TXLNB: variants seen among roughly 807,000 people sequenced by gnomAD.
TXLNB encodes taxilin beta.
Under a neutral mutation model 57.4 loss-of-function variants are expected in TXLNB, and 37 were observed. The ratio of observed to expected loss-of-function variants is 0.64; its 90% CI spans 0.50 to 0.85. The LOEUF (loss-of-function observed/expected upper bound fraction) is 0.85, where lower values mean the gene tolerates loss of function less well. Ranked by LOEUF, TXLNB falls within the 40% of genes least tolerant of loss-of-function variation. The pLI, the probability that TXLNB is intolerant of heterozygous loss-of-function variation, is 0.00. For missense variants in TXLNB, 848 were observed against 825.6 expected (o/e 1.03, Z -0.33); for synonymous variants, 302 against 309.6 (o/e 0.98, Z 0.26).
At chr6:139,194,614 C>G in the TXLNB span, among the ~76,000 whole-genome samples, 2 of 152,196 alleles carry the variant, frequency 1.3e-5, no homozygotes, top group Admixed American at 1.3e-4. Context: ...AGCACTACTG[C>G]TTGATACGAG....
the TXLNB span, among the ~76,000 whole-genome samples, chr6:139,322,572 CA>C: frequency 6.6e-6 from 1 of 152,168 alleles, no homozygotes; most frequent in African/African-American, 2.4e-5. Context: ...TTACTCAGAT[CA>C]AAAATTTGGA....
chr6:139,180,211 CAT>C, the TXLNB span: 2 of 152,110 alleles, frequency 1.3e-5, no homozygotes, highest in Non-Finnish European at 2.9e-5. Flanking sequence ...AAGGTATTTT[CAT>C]ATATGTTGGG....
At chr6:139,304,763 A>G in the TXLNB span, among the ~76,000 whole-genome samples, 420 of 152,358 alleles carry the variant, frequency 2.8e-3, 1 homozygote, top group African/African-American at 8.7e-3. Flanking sequence ...GTGAAGTCCA[A>G]TGAGTGTGTC....
the TXLNB span, among the ~76,000 whole-genome samples, chr6:139,217,384 G>A: frequency 5.9e-5 from 9 of 152,198 alleles, no homozygotes; most frequent in African/African-American, 9.6e-5. Flanking sequence ...GAAGGGAGTC[G>A]GGATGTGTAG....
the TXLNB span, chr6:139,166,827 C>G: frequency 6.2e-7 from 1 of 1,613,740 alleles, no homozygotes; most frequent in Non-Finnish European, 8.5e-7. Context: ...CCGGGCCAGT[C>G]CCCACCCACG....
the TXLNB span, among the ~76,000 whole-genome samples, chr6:139,188,839 C>A: frequency 9.2e-5 from 14 of 152,360 alleles, no homozygotes; most frequent in East Asian, 2.5e-3. Context: ...ACTGCAACCT[C>A]CACCTCCAGG....
the TXLNB span, chr6:139,166,203 T>A: frequency 8.8e-7 from 1 of 1,134,148 alleles, no homozygotes; most frequent in Admixed American, 2.3e-5. Flanking sequence ...AGAAAAACCT[T>A]ATACCATACT....
At chr6:139,322,320 G>A in the TXLNB span, among the ~76,000 whole-genome samples, 2 of 152,160 alleles carry the variant, frequency 1.3e-5, no homozygotes, top group South Asian at 2.1e-4. Context: ...TCCTCACATG[G>A]CAGAAGGTAG....
chr6:139,268,023 T>C (rs904267756), intron 4 of TXLNB, among the ~76,000 whole-genome samples: 2 of 151,656 alleles, frequency 1.3e-5, no homozygotes, highest in Non-Finnish European at 2.9e-5. Flanking sequence ...TGGTGGCGGG[T>C]GCCTGTAATT....
chr6:139,298,205 T>C, the TXLNB span, among the ~76,000 whole-genome samples: 1 of 152,222 alleles, frequency 6.6e-6, no homozygotes, highest in African/African-American at 2.4e-5. Flanking sequence ...AATAAATAGT[T>C]TGAAATTTGT....
chr6:139,286,311 G>A (rs577315033), intron 2 of TXLNB, among the ~76,000 whole-genome samples: 9 of 150,060 alleles, frequency 6.0e-5, no homozygotes, highest in Non-Finnish European at 1.0e-4. Context: ...GAATCTACCT[G>A]TCAAGCTTTG....
chr6:139,295,366 A>G (rs945862993), upstream of TXLNB, among the ~76,000 whole-genome samples: 4 of 152,228 alleles, frequency 2.6e-5, no homozygotes, highest in African/African-American at 9.6e-5. Context: ...AACACAAATT[A>G]CACGTCTAAG....
the TXLNB span, among the ~76,000 whole-genome samples, chr6:139,229,915 C>A: frequency 1.1e-4 from 16 of 152,146 alleles, no homozygotes; most frequent in Admixed American, 1.0e-3. Flanking sequence ...TCTGAGTTGT[C>A]TTTTCTTATT....
At chr6:139,167,265 T>G in the TXLNB span, 1 of 1,613,396 alleles carries the variant, frequency 6.2e-7, no homozygotes, top group Non-Finnish European at 8.5e-7. Context: ...GATGGAACTT[T>G]GTTCCTAAGC....
chr6:139,267,279 A>C (rs1445908475), intron 4 of TXLNB, among the ~76,000 whole-genome samples: 2 of 152,180 alleles, frequency 1.3e-5, no homozygotes, highest in African/African-American at 4.8e-5. Context: ...TTAAAGTAAA[A>C]ATTATAACAA....
chr6:139,262,781 T>C lies in TXLNB; in HGVS notation c.688-8A>G. On this transcript the variant is annotated splice_region_variant and splice_polypyrimidine_tract_variant and intron_variant, in intron 4 of 9. Transcript: ENST00000358430. Reference sequence around the variant, plus strand: ...CCGCTGAAGCGCCTCTTCCTGCGGATAAAAAGCAAAACATTTTGTTTAAAT... The same window carrying C: ...CCGCTGAAGCGCCTCTTCCTGCGGACAAAAAGCAAAACATTTTGTTTAAAT... 3.7e-6 allele frequency: 6 copies of C among 1,611,498 alleles called. No individual in the cohort carries two copies. Among genetic ancestry groups the C allele is most frequent in the African/African-American group, 2.7e-5 (2 of 74,818 alleles).
rs1233447848 is a variant in TXLNB, at chr6:139,240,909, C to A, written c.*1617G>T. On this transcript the variant is annotated 3_prime_UTR_variant, in exon 10 of 10. Transcript: ENST00000358430. ...AGTACTAGAGAATTTTGTTTCTATC[C>A]ATTTTTCTACTTGAGTTCAACTTTC... The A allele has an allele frequency of 1.3e-5, 2 of 152,144 alleles. No individual in the cohort carries two copies. Among genetic ancestry groups the A allele is most frequent in the Non-Finnish European group, 2.9e-5 (2 of 68,024 alleles). The allele number at this position is 152,144 out of a possible 1,614,324, so 9.4% of individuals were successfully genotyped here. A position where few individuals can be genotyped will look rare whatever the true frequency, so the allele number is the denominator to read the frequency against.
At chr6:139,276,336 GT>G (rs1054282016) in intron 3 of TXLNB, among the ~76,000 whole-genome samples, 1 of 152,196 alleles carries the variant, frequency 6.6e-6, no homozygotes, top group African/African-American at 2.4e-5. Flanking sequence ...AAATTCAATT[GT>G]TTGTTCCATC....
the TXLNB span, among the ~76,000 whole-genome samples, chr6:139,312,637 C>T: frequency 6.6e-6 from 1 of 151,762 alleles, no homozygotes; most frequent in African/African-American, 2.4e-5. Context: ...GGCCATCATC[C>T]TTAGAGTTGT....
Sources: gnomAD v4.1 joint callset for allele counts (sites outside exome capture counted in the v4.1 genomes callset) on GRCh38, gnomAD v4.1.1 for gene constraint, MANE v1.5 for transcripts, NCBI Gene and HGNC (gene_info 2026-07-23, HGNC 2026-07-21) for gene names.